ADD1: variants seen among roughly 807,000 people sequenced by gnomAD.
ADD1 encodes adducin 1.
In ADD1, 24 loss-of-function variants were observed where a neutral mutation model predicts 80.5. The ratio of observed to expected loss-of-function variants is 0.30; its 90% CI spans 0.22 to 0.42. ADD1 has a LOEUF of 0.42. ADD1 is among the 10% of genes least tolerant of loss of function. ADD1 has a pLI of 1.00. For synonymous variants in ADD1, 373 were observed against 393.8 expected (o/e 0.95, Z 0.63); for missense variants, 948 against 1,019.0 (o/e 0.93, Z 0.95).
rs1474324994 is a variant in ADD1 at position 2,929,684 on chromosome 4, C to G, written c.*1161C>G. On this transcript the variant is annotated 3_prime_UTR_variant, in exon 16 of 16. Coordinates refer to ENST00000683351, the MANE Select transcript of ADD1 (RefSeq NM_001354761.2). ...GCTGGTGCCAGATGTGGGCTCAGATCCTGGGCATGATGGGCCGAGCCACCT... is the reference window on the plus strand; with the variant it reads ...GCTGGTGCCAGATGTGGGCTCAGATGCTGGGCATGATGGGCCGAGCCACCT... The G allele has an allele frequency of 6.6e-6, 1 of 152,264 alleles. No individual in the cohort carries two copies. The highest frequency in any genetic ancestry group is 1.5e-5 in the Non-Finnish European group (1 of 68,060). 9.4% of individuals were successfully genotyped at this position (152,264 alleles called of 1,614,324 possible).
chr4:2,911,448 A>ATTTTTTTTTTTTT (rs33935514), intron 13 of ADD1, among the ~76,000 whole-genome samples: 1 of 130,518 alleles, frequency 7.7e-6, no homozygotes, highest in Admixed American at 7.7e-5. Context: ...ATATATATAT[A>ATTTTTTTTTTTTT]TTTTTTTTTT....
intron 6 of ADD1, among the ~76,000 whole-genome samples, chr4:2,897,109 G>T (rs1255609306): frequency 1.3e-5 from 2 of 152,070 alleles, no homozygotes; most frequent in South Asian, 2.1e-4. Flanking sequence ...ATTTCTTCTT[G>T]TATGAGAGCT....
Position 2,904,797 on chromosome 4 carries a change from G to C in ADD1, c.1195G>C (p.Ala399Pro). 4 of 1,614,180 alleles carry C rather than the reference G, an allele frequency of 2.5e-6. No individual in the cohort carries two copies. Among genetic ancestry groups the C allele is most frequent in the Non-Finnish European group, 2.5e-6 (3 of 1,180,036 alleles). ...YRTGYPYRYP[A>P]LREKSKKYSD... is the part of the protein sequence containing the mutation. Reference sequence around the variant, plus strand: ...AACTGGCTACCCTTATCGATACCCTGCTCTGAGAGAGAAGTCTAAAAAATA... The same window carrying C: ...AACTGGCTACCCTTATCGATACCCTCCTCTGAGAGAGAAGTCTAAAAAATA... Residue 399 changes from alanine to proline, a missense_variant, in exon 10 of 16, where the codon GCT (alanine) becomes CCT (proline). Transcript: ENST00000683351.
intron 2 of ADD1, among the ~76,000 whole-genome samples, chr4:2,877,471 C>T (rs1341016378): frequency 6.6e-6 from 1 of 151,856 alleles, no homozygotes; most frequent in African/African-American, 2.4e-5. Context: ...TGAATTTTGA[C>T]ATAAATGTTG....
intron 6 of ADD1, 77 bp downstream of exon 6, chr4:2,894,808 C>T (rs1408536105): frequency 2.1e-5 from 31 of 1,453,480 alleles, no homozygotes; most frequent in Non-Finnish European, 2.8e-5. Context: ...TCTGAATTGC[C>T]CTTGTTGTTT....
chr4:2,901,247 C>G (rs749939036), intron 9 of ADD1: 1 of 152,204 alleles, frequency 6.6e-6, no homozygotes, highest in East Asian at 1.9e-4. Context: ...GCCCCTGCCT[C>G]CTGGTAAATA....
chr4:2,875,139 G>A (rs1731078469), intron 1 of ADD1, among the ~76,000 whole-genome samples: 1 of 152,136 alleles, frequency 6.6e-6, no homozygotes, highest in African/African-American at 2.4e-5. Flanking sequence ...TTAGGTGGAA[G>A]GATCACTTGA....
chr4:2,885,632 C>T (rs1383605636), intron 4 of ADD1, among the ~76,000 whole-genome samples: 50 of 150,568 alleles, frequency 3.3e-4, no homozygotes, highest in African/African-American at 1.1e-3. Flanking sequence ...TTTTTTGAGA[C>T]AGAGACTTGC....
chr4:2,893,886 A>C (rs536622734), intron 4 of ADD1, 127 bp from the exon 5 acceptor site: 1 of 769,018 alleles, frequency 1.3e-6, no homozygotes, highest in East Asian at 2.5e-5. Flanking sequence ...CGTGACAGGC[A>C]TTGTGCATGG....
At chr4:2,897,541 C>CT (rs34592055) in intron 6 of ADD1, among the ~76,000 whole-genome samples, 8,043 of 99,110 alleles carry the variant, frequency 0.081, 458 homozygotes, top group Non-Finnish European at 0.11. Flanking sequence ...AAACCTCCTC[C>CT]TTTTTTTTTT....
chr4:2,859,923 A>AT (rs34830388), intron 1 of ADD1, among the ~76,000 whole-genome samples: 36,710 of 142,086 alleles, frequency 0.26, 5,942 homozygotes, highest in East Asian at 0.5. Context: ...ATATTGCTCC[A>AT]TTTTTTTTTT....
At chr4:2,864,386 C>T (rs1444253684) in intron 1 of ADD1, among the ~76,000 whole-genome samples, 1 of 152,086 alleles carries the variant, frequency 6.6e-6, no homozygotes, top group African/African-American at 2.4e-5. Flanking sequence ...CATTGCTCCA[C>T]CCTGGGTGAC....
chr4:2,858,950 A>C (rs1057233509), intron 1 of ADD1, among the ~76,000 whole-genome samples: 1 of 152,212 alleles, frequency 6.6e-6, no homozygotes, highest in Non-Finnish European at 1.5e-5. Flanking sequence ...AGTGTATTTT[A>C]TTACAAATGT....
chr4:2,849,008 C>G (rs141420323), intron 1 of ADD1, among the ~76,000 whole-genome samples: 1 of 152,168 alleles, frequency 6.6e-6, no homozygotes, highest in Non-Finnish European at 1.5e-5. Context: ...GATACATTCT[C>G]AGAAGTGAGA....
At chr4:2,879,451 C>G (rs1015203259) in intron 2 of ADD1, among the ~76,000 whole-genome samples, 1 of 152,096 alleles carries the variant, frequency 6.6e-6, no homozygotes, top group South Asian at 2.1e-4. Context: ...TAGTGTGTGT[C>G]GAATTGAGCT....
In ADD1 at chr4:2,875,996, A is replaced by C. The variant is rs1320153414; in HGVS notation, c.81A>C (p.Arg27=). Residue 27 remains arginine (R), a synonymous_variant, in exon 2 of 16, where the codon CGA becomes CGC. Transcript: ENST00000683351. The part of the protein sequence containing the change: ...TAPHKERYFD[R]VDENNPEYLR... ...CTCACAAGGAGAGGTACTTCGACCG[A>C]GTAGATGAGAACAACCCAGAGTACT... The C allele has an allele frequency of 1.9e-6, 3 of 1,614,162 alleles. No homozygotes were observed. The highest frequency in any genetic ancestry group is 2.5e-6 in the Non-Finnish European group (3 of 1,179,988).
intron 9 of ADD1, among the ~76,000 whole-genome samples, chr4:2,904,388 G>A (rs1212561018): frequency 1.3e-5 from 2 of 152,178 alleles, no homozygotes; most frequent in Non-Finnish European, 2.9e-5. Context: ...GTATTACATG[G>A]TGTATGTTCT....
intron 14 of ADD1, among the ~76,000 whole-genome samples, chr4:2,915,472 C>G (rs1179655679): frequency 6.6e-6 from 1 of 152,110 alleles, no homozygotes; most frequent in Non-Finnish European, 1.5e-5. Flanking sequence ...AACGCCGTCT[C>G]TAGGAAAATA....
In ADD1 at chr4:2,928,258, C is replaced by T; in HGVS notation, c.2135C>T (p.Ser712Leu). 6.2e-7 allele frequency: 1 copy of T among 1,614,116 alleles called. No individual in the cohort carries two copies. The highest frequency in any genetic ancestry group is 8.5e-7 in the Non-Finnish European group (1 of 1,180,036). The change falls in exon 16 of 16, where the codon TCA becomes TTA. Residue 712 changes from serine to leucine, a missense_variant. By Grantham distance (145) the Ser-to-Leu change is moderately radical. Transcript: ENST00000683351. ...CCCGATCTGTCCCCTGATGAACCTT[C>T]AGAAGCACTCGGCTTCCCAATGTTA... Reference protein sequence around the residue: ...TLPDLSPDEPSEALGFPMLEK... With the variant: ...TLPDLSPDEPLEALGFPMLEK...
Sources: allele counts gnomAD v4.1 joint callset (sites outside exome capture counted in the v4.1 genomes callset), GRCh38; gene constraint gnomAD v4.1.1; transcripts MANE v1.5; gene names NCBI Gene and HGNC (gene_info 2026-07-23, HGNC 2026-07-21).